TECRL: variants seen among roughly 807,000 people sequenced by gnomAD.
TECRL encodes the protein trans-2,3-enoyl-CoA reductase-like.
Under a neutral mutation model 52.8 loss-of-function variants are expected in TECRL, and 63 were observed. The observed-to-expected ratio is 1.19, with a 90% CI of 0.97 to 1.47. The LOEUF (loss-of-function observed/expected upper bound fraction) is 1.47, where lower values mean the gene tolerates loss of function less well. Among genes scored for constraint, TECRL ranks in the 40% most tolerant of loss-of-function variants. TECRL has a pLI of 0.00. For synonymous variants in TECRL, 164 were observed against 141.9 expected, an observed-to-expected ratio of 1.16 and a Z score of -1.10; for missense variants, 482 against 429.6, an observed-to-expected ratio of 1.12 and a Z score of -1.08.
At chr4:64,284,395 G>A (rs940058408) in intron 9 of TECRL, among the ~76,000 whole-genome samples, 7 of 152,104 alleles carry the variant, frequency 4.6e-5, no homozygotes, top group South Asian at 2.1e-4. Context: ...CCCTCGTTTC[G>A]TGTTCTCAGG....
chr4:64,329,344 C>A (rs1718473959), intron 2 of TECRL, among the ~76,000 whole-genome samples: 1 of 151,680 alleles, frequency 6.6e-6, no homozygotes, highest in African/African-American at 2.4e-5. Context: ...GAATTTTCCA[C>A]AATTATCTTC....
intron 9 of TECRL, among the ~76,000 whole-genome samples, chr4:64,288,606 G>C (rs1723206578): frequency 6.6e-6 from 1 of 152,038 alleles, no homozygotes; most frequent in Non-Finnish European, 1.5e-5. Flanking sequence ...TATATAACTG[G>C]TGATGACCAG....
chr4:64,318,643 G>A (rs1428549507), intron 4 of TECRL, among the ~76,000 whole-genome samples: 5 of 151,738 alleles, frequency 3.3e-5, no homozygotes, highest in African/African-American at 4.8e-5. Context: ...CAGAAACAAT[G>A]GAATTCAGAA....
chr4:64,401,195 G>A (rs1724337430), intron 1 of TECRL, among the ~76,000 whole-genome samples: 1 of 152,152 alleles, frequency 6.6e-6, no homozygotes, highest in Non-Finnish European at 1.5e-5. Flanking sequence ...TGATTACCCT[G>A]TTCAAAGAAA....
At chr4:64,347,623 A>T (rs2109558167) in intron 2 of TECRL, among the ~76,000 whole-genome samples, 1 of 152,224 alleles carries the variant, frequency 6.6e-6, no homozygotes, top group Middle Eastern at 3.4e-3. Flanking sequence ...TGCAGGAGAG[A>T]GAAAAATAAA....
chr4:64,318,186 CCAAA>C (rs1472520825), intron 4 of TECRL, among the ~76,000 whole-genome samples: 1 of 151,828 alleles, frequency 6.6e-6, no homozygotes, highest in Non-Finnish European at 1.5e-5. Flanking sequence ...TATACAAAGA[CCAAA>C]CAGACTGTGA....
intron 1 of TECRL, among the ~76,000 whole-genome samples, chr4:64,385,412 G>A (rs1723108009): frequency 6.6e-6 from 1 of 152,180 alleles, no homozygotes. Context: ...CAAACAGGCA[G>A]CTCTCAGGCT....
chr4:64,337,631 T>C (rs1486991256), intron 2 of TECRL, among the ~76,000 whole-genome samples: 1 of 152,024 alleles, frequency 6.6e-6, no homozygotes, highest in East Asian at 1.9e-4. Context: ...TATACACCAA[T>C]AACAGACAAA....
Position 64,277,828 on chromosome 4 carries a change from G to A in TECRL, c.*2244C>T, listed in dbSNP as rs1385753738. On this transcript the variant is annotated 3_prime_UTR_variant, in exon 12 of 12. Transcript: ENST00000381210. ...AATTTTTTTAAATATTTTAAATAATGTGTACTTTGATTTATATAGGTCATC... is the reference window on the plus strand; with the variant it reads ...AATTTTTTTAAATATTTTAAATAATATGTACTTTGATTTATATAGGTCATC... 2 of 151,528 alleles carry A rather than the reference G, an allele frequency of 1.3e-5. No homozygotes were observed. The highest frequency in any genetic ancestry group is 4.8e-5 in the African/African-American group (2 of 41,298). 9.4% of individuals were successfully genotyped at this position (151,528 alleles called of 1,614,324 possible). A position where few individuals can be genotyped will look rare whatever the true frequency, so the allele number is the denominator to read the frequency against.
intron 1 of TECRL, among the ~76,000 whole-genome samples, chr4:64,396,757 A>AT (rs1391567573): frequency 6.6e-6 from 1 of 151,880 alleles, no homozygotes; most frequent in Non-Finnish European, 1.5e-5. Context: ...GTATTTCATA[A>AT]TTTTTTTTCC....
intron 9 of TECRL, among the ~76,000 whole-genome samples, chr4:64,286,789 C>T (rs1382710368): frequency 1.3e-5 from 2 of 152,080 alleles, no homozygotes; most frequent in Admixed American, 1.3e-4. Context: ...CTTACATGAA[C>T]AATTTCAAAA....
At chr4:64,371,762 A>C (rs1464858932) in intron 2 of TECRL, among the ~76,000 whole-genome samples, 1 of 151,770 alleles carries the variant, frequency 6.6e-6, no homozygotes, top group Non-Finnish European at 1.5e-5. Context: ...GTTTCTACTT[A>C]CATCTATATC....
At chr4:64,394,218 A>G (rs780479872) in intron 1 of TECRL, among the ~76,000 whole-genome samples, 2 of 152,186 alleles carry the variant, frequency 1.3e-5, no homozygotes, top group East Asian at 1.9e-4. Flanking sequence ...TAAAATCATC[A>G]TTGCAGATAA....
At chr4:64,294,935 C>T (rs569379061) in intron 8 of TECRL, among the ~76,000 whole-genome samples, 39 of 151,866 alleles carry the variant, frequency 2.6e-4, no homozygotes, top group Non-Finnish European at 3.7e-4. Context: ...TAATGCATAT[C>T]CACATAGAAT....
intron 7 of TECRL, among the ~76,000 whole-genome samples, chr4:64,303,120 C>G (rs1311058473): frequency 6.6e-6 from 1 of 151,086 alleles, no homozygotes; most frequent in African/African-American, 2.4e-5. Flanking sequence ...TAAAATAAAT[C>G]TATTAATTAT....
rs190692188 is a variant in TECRL at position 64,351,739 on chromosome 4, T to G, written c.287-23183A>C. Among the ~76,000 whole-genome samples the G allele has an allele frequency of 3.3e-3, 504 of 152,320 alleles. 2 individuals carry two copies. The highest frequency in any genetic ancestry group is 0.012 in the African/African-American group (485 of 41,566). On this transcript the variant is annotated intron_variant, in intron 2 of 11. Coordinates refer to ENST00000381210, the MANE Select transcript of TECRL (RefSeq NM_001010874.5). ...TATTATGAATTGATAAAAAAGATTT[T>G]AAAACATTGTACATGACAAACATTT...
intron 2 of TECRL, among the ~76,000 whole-genome samples, chr4:64,373,854 TG>T (rs1404468259): frequency 3.7e-5 from 1 of 26,672 alleles, no homozygotes; most frequent in African/African-American, 5.8e-5. Flanking sequence ...CCATGTTTTA[TG>T]CTAAGATAGA....
chr4:64,405,608 T>C (rs934872164), intron 1 of TECRL, among the ~76,000 whole-genome samples: 1 of 152,148 alleles, frequency 6.6e-6, no homozygotes, highest in Admixed American at 6.6e-5. Flanking sequence ...TATAGATATG[T>C]AGATTTACAG....
At chr4:64,327,910 G>A (rs1718371894) in intron 3 of TECRL, among the ~76,000 whole-genome samples, 1 of 151,638 alleles carries the variant, frequency 6.6e-6, no homozygotes. Flanking sequence ...ATTCTATCCT[G>A]AAAAAAAGTA....
Sources: gnomAD v4.1 joint callset for allele counts (sites outside exome capture counted in the v4.1 genomes callset) on GRCh38, gnomAD v4.1.1 for gene constraint, MANE v1.5 for transcripts, NCBI Gene and HGNC (gene_info 2026-07-23, HGNC 2026-07-21) for gene names.